Variants in NRXN3 observed in about 807,000 individuals in gnomAD.
NRXN3 encodes neurexin III.
A neutral mutation model predicts 137.6 loss-of-function variants in NRXN3; 32 were observed. That is an observed-to-expected ratio of 0.23 (90% CI 0.18 to 0.31). The LOEUF is 0.31. Ranked by LOEUF, NRXN3 falls within the 10% of genes least tolerant of loss-of-function variation. The pLI, the probability that NRXN3 is intolerant of heterozygous loss-of-function variation, is 1.00. For synonymous variants in NRXN3, 798 were observed against 784.5 expected, an observed-to-expected ratio of 1.02 and a Z score of -0.29; for missense variants, 1,574 against 2,062.5, an observed-to-expected ratio of 0.76 and a Z score of 4.59.
chr14:78,283,634 G>A (rs113214480), intron 3 of NRXN3, among the ~76,000 whole-genome samples: 3,160 of 151,818 alleles, frequency 0.021, 115 homozygotes, highest in African/African-American at 0.068. Flanking sequence ...TCAGCCTCTC[G>A]AGTAGCGAGG....
chr14:79,016,454 C>A (rs1156438108), intron 15 of NRXN3, among the ~76,000 whole-genome samples: 1 of 152,162 alleles, frequency 6.6e-6, no homozygotes. Flanking sequence ...TGACTGAAAA[C>A]TTAAATTCAA....
chr14:79,089,344 C>T (rs1255564181), intron 15 of NRXN3, among the ~76,000 whole-genome samples: 1 of 151,964 alleles, frequency 6.6e-6, no homozygotes, highest in Non-Finnish European at 1.5e-5. Flanking sequence ...AAGGAAGGTG[C>T]TTTGGTAAGA....
intron 15 of NRXN3, among the ~76,000 whole-genome samples, chr14:79,331,441 G>A (rs1265000992): frequency 6.6e-6 from 1 of 152,112 alleles, no homozygotes; most frequent in Non-Finnish European, 1.5e-5. Context: ...CAGAGGCCCT[G>A]ACTGTTATTA....
intron 4 of NRXN3, among the ~76,000 whole-genome samples, chr14:78,502,534 T>C (rs910525205): frequency 5.9e-5 from 9 of 152,182 alleles, no homozygotes; most frequent in Admixed American, 4.6e-4. Context: ...CTATGAATAT[T>C]CTTTTCTGTA....
intron 15 of NRXN3, among the ~76,000 whole-genome samples, chr14:79,293,886 T>A (rs952038528): frequency 2.0e-5 from 3 of 152,180 alleles, no homozygotes; most frequent in Non-Finnish European, 4.4e-5. Context: ...GAAGGTTTTA[T>A]CCAGTGAAAA....
rs189215406 is a variant in NRXN3 at position 79,810,254 on chromosome 14, C to T, written c.4093+5064C>T. On this transcript the variant is annotated intron_variant, in intron 20 of 20. Transcript: ENST00000335750. ...AAGTGGGCATGGCAATACTTAACCA[C>T]ATTGATTCATCCAGTCGTTATCCAG... Among the ~76,000 whole-genome samples the T allele has an allele frequency of 4.6e-3, 697 of 152,230 alleles. 43 individuals are homozygous for T. In the South Asian group the frequency reaches 0.13, roughly 28 times the overall value.
chr14:79,472,609 G>C (rs2096524471), intron 16 of NRXN3, among the ~76,000 whole-genome samples: 2 of 152,144 alleles, frequency 1.3e-5, no homozygotes, highest in Admixed American at 1.3e-4. Context: ...TCTTAGGGTA[G>C]AGGAATTTTT....
intron 2 of NRXN3, among the ~76,000 whole-genome samples, chr14:78,277,489 A>G (rs548107399): frequency 2.2e-4 from 34 of 152,276 alleles, no homozygotes; most frequent in Middle Eastern, 3.4e-3. Flanking sequence ...GTGCCCCTGA[A>G]GTAGCTGTGT....
Position 79,760,602 on chromosome 14 carries a change from T to G in NRXN3, c.4015-44510T>G, listed in dbSNP as rs1329513941. The G allele has an allele frequency of 2.0e-5, 3 of 151,582 alleles. No individual in the cohort carries two copies. The East Asian group carries it at 5.8e-4, about 29-fold the overall frequency. The allele number at this position is 151,582 out of a possible 1,614,324, so 9.4% of individuals were successfully genotyped here. A position where few individuals can be genotyped will look rare whatever the true frequency, so the allele number is the denominator to read the frequency against. On this transcript the variant is annotated intron_variant, in intron 19 of 20. Coordinates refer to ENST00000335750, the MANE Select transcript of NRXN3 (RefSeq NM_001330195.2). ...TTTTTCACAAACAGCAAGGGGAATC[T>G]TGAAACAAAATAGATTTGTTTTAAA... is the stretch of plus-strand genomic sequence containing the variant.
chr14:78,315,384 A>G (rs2078585773), intron 4 of NRXN3, among the ~76,000 whole-genome samples: 1 of 152,204 alleles, frequency 6.6e-6, no homozygotes, highest in Non-Finnish European at 1.5e-5. Context: ...AACTTGTGAA[A>G]CTATAGACTT....
At chr14:78,637,157 G>A (rs1048833280) in intron 4 of NRXN3, among the ~76,000 whole-genome samples, 9 of 152,114 alleles carry the variant, frequency 5.9e-5, no homozygotes, top group Non-Finnish European at 1.2e-4. Context: ...AGAATGTAGA[G>A]AAGGCCCCAG....
chr14:78,991,002 A>G (rs958012812), intron 15 of NRXN3, among the ~76,000 whole-genome samples: 1 of 152,168 alleles, frequency 6.6e-6, no homozygotes, highest in African/African-American at 2.4e-5. Flanking sequence ...ATGATATTCT[A>G]TATGCTTACC....
At chr14:78,847,125 A>G (rs572258120) in intron 10 of NRXN3, among the ~76,000 whole-genome samples, 7 of 152,206 alleles carry the variant, frequency 4.6e-5, no homozygotes, top group African/African-American at 1.7e-4. Context: ...TCTACCTGAA[A>G]GGTAGGTATA....
At chr14:78,856,159 A>C (rs958442607) in intron 10 of NRXN3, among the ~76,000 whole-genome samples, 1 of 152,190 alleles carries the variant, frequency 6.6e-6, no homozygotes, top group Non-Finnish European at 1.5e-5. Context: ...CAGGAGGTCT[A>C]TGAAGCTTTT....
chr14:79,665,410 C>G (rs1211755316), intron 17 of NRXN3, among the ~76,000 whole-genome samples: 1 of 152,134 alleles, frequency 6.6e-6, no homozygotes, highest in Non-Finnish European at 1.5e-5. Context: ...AAGCTATTAA[C>G]AGCTTCTAGG....
intron 10 of NRXN3, among the ~76,000 whole-genome samples, chr14:78,898,111 T>G (rs905592599): frequency 6.6e-6 from 1 of 151,948 alleles, no homozygotes; most frequent in Admixed American, 6.6e-5. Context: ...CCTTCTTTTT[T>G]AATAAATCTA....
At chr14:78,863,029 C>T (rs184888965) in intron 10 of NRXN3, among the ~76,000 whole-genome samples, 12 of 152,200 alleles carry the variant, frequency 7.9e-5, no homozygotes, top group Non-Finnish European at 1.5e-4. Context: ...GAGGATAATA[C>T]ATTTCTGATA....
intron 4 of NRXN3, among the ~76,000 whole-genome samples, chr14:78,494,579 T>C (rs1277216720): frequency 2.0e-5 from 3 of 152,126 alleles, no homozygotes; most frequent in African/African-American, 7.2e-5. Context: ...TAGGTGGCTG[T>C]AGCACTGGAA....
At chr14:79,771,527 C>T (rs1293826217) in intron 19 of NRXN3, among the ~76,000 whole-genome samples, 1 of 151,286 alleles carries the variant, frequency 6.6e-6, no homozygotes, top group East Asian at 1.9e-4. Flanking sequence ...ACAAAAACCA[C>T]ATGATTATCT....
Sources: gnomAD v4.1 joint callset for allele counts (sites outside exome capture counted in the v4.1 genomes callset) on GRCh38, gnomAD v4.1.1 for gene constraint, MANE v1.5 for transcripts, NCBI Gene and HGNC (gene_info 2026-07-23, HGNC 2026-07-21) for gene names.